The following ADGRA3 variants were observed in gnomAD, a reference collection of about 807,000 sequenced individuals.
The protein encoded by ADGRA3 is G-protein coupled receptor 125.
Under a neutral mutation model 119.8 loss-of-function variants are expected in ADGRA3, and 56 were observed. The ratio of observed to expected loss-of-function variants is 0.47; its 90% CI spans 0.38 to 0.58. The LOEUF (loss-of-function observed/expected upper bound fraction) is 0.58. Ranked by LOEUF, ADGRA3 falls within the 20% of genes least tolerant of loss-of-function variation. The pLI, the probability that ADGRA3 is intolerant of heterozygous loss-of-function variation, is 0.00. For synonymous variants in ADGRA3, 607 were observed against 623.8 expected (o/e 0.97, Z 0.40); for missense variants, 1,516 against 1,649.0 (o/e 0.92, Z 1.40).
rs575754590 is a variant in ADGRA3 at position 22,409,868 on chromosome 4, T to C, written c.2232+3314A>G. Among the ~76,000 whole-genome samples, 4 of 152,266 alleles carry C rather than the reference T, an allele frequency of 2.6e-5. No homozygotes were observed. In the South Asian group the frequency reaches 6.2e-4, roughly 24 times the overall value. ...TCAACAATACGCGAGAAACAAACAG[T>C]AGTTACTTATCAGTGTGATACGAGA... On this transcript the variant is annotated intron_variant, in intron 14 of 18. Transcript: ENST00000334304.
intron 5 of ADGRA3, among the ~76,000 whole-genome samples, chr4:22,445,673 G>A (rs1439453041): frequency 6.6e-6 from 1 of 152,156 alleles, no homozygotes; most frequent in Non-Finnish European, 1.5e-5. Context: ...CTAGGGTAGG[G>A]ACTGTTTCTG....
intron 2 of ADGRA3, among the ~76,000 whole-genome samples, chr4:22,472,737 T>C (rs1018871419): frequency 9.9e-5 from 15 of 151,468 alleles, no homozygotes; most frequent in Admixed American, 2.0e-4. Context: ...GGTGAAAGAG[T>C]CAAGAAAAGG....
chr4:22,414,046 G>A (rs1715332680), intron 12 of ADGRA3: 3 of 375,782 alleles, frequency 8.0e-6, no homozygotes, highest in East Asian at 9.0e-5. Flanking sequence ...AGTTAAATAA[G>A]TAAACAAGAA....
At chr4:22,441,640 C>T (rs1315381478) in intron 7 of ADGRA3, among the ~76,000 whole-genome samples, 1 of 151,940 alleles carries the variant, frequency 6.6e-6, no homozygotes, top group Non-Finnish European at 1.5e-5. Context: ...AGTCTATAAT[C>T]CAAAACTGTC....
intron 12 of ADGRA3, among the ~76,000 whole-genome samples, chr4:22,419,513 T>C (rs908572013): frequency 6.6e-6 from 1 of 152,134 alleles, no homozygotes; most frequent in African/African-American, 2.4e-5. Flanking sequence ...TGGCATGAAA[T>C]TGACAAATCT....
At position 22,401,560 on chromosome 4, in the gene ADGRA3, TA is replaced by T; in HGVS notation, c.2358-7del. 1 of 1,594,994 alleles carries T rather than the reference TA, an allele frequency of 6.3e-7. No individual in the cohort carries two copies. Among genetic ancestry groups the T allele is most frequent in the Non-Finnish European group, 8.6e-7 (1 of 1,168,328 alleles). ...TGAGGCTGATTCTAATCAAACTGTTTAAAAAAGAGAGAAAATATTAATATTC... is the reference window on the plus strand; with the variant it reads ...TGAGGCTGATTCTAATCAAACTGTTTAAAAAGAGAGAAAATATTAATATTC... On this transcript the variant is annotated splice_region_variant and splice_polypyrimidine_tract_variant and intron_variant, in intron 15 of 18. Coordinates refer to ENST00000334304, the MANE Select transcript of ADGRA3 (RefSeq NM_145290.4).
At chr4:22,460,820 A>G (rs534484514) in intron 3 of ADGRA3, among the ~76,000 whole-genome samples, 4 of 152,270 alleles carry the variant, frequency 2.6e-5, no homozygotes, top group Admixed American at 2.0e-4. Context: ...CCCCACCCCA[A>G]GGGTCTGCAA....
chr4:22,421,389 G>T (rs560068097), intron 11 of ADGRA3, among the ~76,000 whole-genome samples: 2 of 151,916 alleles, frequency 1.3e-5, no homozygotes, highest in Non-Finnish European at 2.9e-5. Context: ...GGAGCACTTC[G>T]AAGGAAACAA....
intron 4 of ADGRA3, among the ~76,000 whole-genome samples, chr4:22,449,313 T>TTAAAGTAAAAA (rs1488296045): frequency 5.9e-5 from 9 of 151,874 alleles, no homozygotes; most frequent in Non-Finnish European, 7.4e-5. Flanking sequence ...TTAGATGCAA[T>TTAAAGTAAAAA]TACAATCAAC....
Position 22,398,673 on chromosome 4 carries a change from G to A in ADGRA3, c.2481+2758C>T, listed in dbSNP as rs143687661. ...AACAAATGGTGAATGTTAATTTATC[G>A]GACTTACTTTTCAACTTTTCACTTA... On this transcript the variant is annotated intron_variant, in intron 16 of 18. Transcript: ENST00000334304. Among the ~76,000 whole-genome samples, 469 of 150,842 alleles carry A rather than the reference G, an allele frequency of 3.1e-3. 6 individuals carry two copies. Among genetic ancestry groups the A allele is most frequent in the South Asian group, 8.2e-3 (39 of 4,750 alleles).
intron 2 of ADGRA3, among the ~76,000 whole-genome samples, chr4:22,465,422 C>A (rs146352906): frequency 1.3e-4 from 20 of 152,286 alleles, no homozygotes; most frequent in African/African-American, 4.8e-4. Context: ...GACATTCCCA[C>A]TGGTTTGATA....
chr4:22,447,592 T>C (rs1168547196), intron 4 of ADGRA3, 81 bp from the exon 5 acceptor site: 1 of 808,100 alleles, frequency 1.2e-6, no homozygotes, highest in Non-Finnish European at 2.0e-6. Context: ...TAAAGCATCC[T>C]ACAGTCATTA....
intron 1 of ADGRA3, among the ~76,000 whole-genome samples, chr4:22,486,054 G>C (rs770655586): frequency 1.1e-4 from 17 of 152,188 alleles, no homozygotes; most frequent in Non-Finnish European, 1.6e-4. Context: ...CTATTGGGTT[G>C]TAAGTTCCTA....
chr4:22,492,188 C>G lies in ADGRA3; in HGVS notation c.258-18345G>C, dbSNP rs1463530805. Among the ~76,000 whole-genome samples the G allele has an allele frequency of 2.0e-5, 3 of 152,228 alleles. No individual in the cohort carries two copies. The East Asian group carries it at 5.8e-4, about 29-fold the overall frequency. ...GGAATGCGGAGGCGAAAAAGCACAT[C>G]AAGGGAGAAAGTCCATCCCAACCAG... On this transcript the variant is annotated intron_variant, in intron 1 of 18. Transcript: ENST00000334304.
chr4:22,456,054 T>C (rs1284238423), intron 3 of ADGRA3, among the ~76,000 whole-genome samples: 1 of 152,198 alleles, frequency 6.6e-6, no homozygotes, highest in Non-Finnish European at 1.5e-5. Flanking sequence ...CGAGTTACTC[T>C]TCAGTAAGGC....
At chr4:22,427,995 C>T (rs184263542) in intron 10 of ADGRA3, among the ~76,000 whole-genome samples, 2 of 152,260 alleles carry the variant, frequency 1.3e-5, no homozygotes, top group African/African-American at 4.8e-5. Flanking sequence ...TGCTCAATGT[C>T]AAATGTTGTA....
intron 11 of ADGRA3, among the ~76,000 whole-genome samples, chr4:22,422,778 A>C (rs1388269806): frequency 6.6e-6 from 1 of 152,208 alleles, no homozygotes. Context: ...GCTGATTAAT[A>C]AGCATGGCTA....
At position 22,464,956 on chromosome 4, in the gene ADGRA3, T is replaced by C. The variant is rs78309035; in HGVS notation, c.330-3148A>G. 3.7e-3 allele frequency among the ~76,000 whole-genome samples: 568 copies of C among 152,272 alleles called. 4 individuals are homozygous for C. The highest frequency in any genetic ancestry group is 5.9e-3 in the Non-Finnish European group (400 of 68,024). On this transcript the variant is annotated intron_variant, in intron 2 of 18. Transcript: ENST00000334304. ...TACACTGAAAGCTCACCTGGGGACC[T>C]GCTTCTGGGGAAATCAGCCTGGTAA...
intron 3 of ADGRA3, among the ~76,000 whole-genome samples, chr4:22,460,486 A>G (rs1351461415): frequency 6.6e-6 from 1 of 152,226 alleles, no homozygotes; most frequent in Non-Finnish European, 1.5e-5. Context: ...CAAGGCACCA[A>G]AGGAATCTAC....
Sources: gnomAD v4.1 joint callset for allele counts (sites outside exome capture counted in the v4.1 genomes callset) on GRCh38, gnomAD v4.1.1 for gene constraint, MANE v1.5 for transcripts, NCBI Gene and HGNC (gene_info 2026-07-23, HGNC 2026-07-21) for gene names.